The following NOL4L variants were observed in gnomAD, a reference collection of about 807,000 sequenced individuals.
The protein encoded by NOL4L is nucleolar protein 4 like, also known as nucleolar protein 4-like.
A neutral mutation model predicts 64.5 loss-of-function variants in NOL4L; 7 were observed. That is an observed-to-expected ratio of 0.11 (90% CI 0.06 to 0.20). The LOEUF is 0.20. NOL4L is among the 10% of genes least tolerant of loss of function. The pLI, the probability that NOL4L is intolerant of heterozygous loss-of-function variation, is 1.00. For synonymous variants in NOL4L, 413 were observed against 401.0 expected (o/e 1.03, Z -0.36); for missense variants, 680 against 967.1 (o/e 0.70, Z 3.94).
At chr20:32,554,238 A>G (rs1350262239) in intron 1 of NOL4L, among the ~76,000 whole-genome samples, 3 of 149,392 alleles carry the variant, frequency 2.0e-5, no homozygotes, top group Non-Finnish European at 4.4e-5. Flanking sequence ...GGAGAATGGC[A>G]TGAACCCGGA....
At position 32,559,385 on chromosome 20, in the gene NOL4L, A is replaced by G. The variant is rs145342787; in HGVS notation, c.321+25185T>C. Among the ~76,000 whole-genome samples, 27 of 152,272 alleles carry G rather than the reference A, an allele frequency of 1.8e-4. No individual in the cohort carries two copies. In the East Asian group the frequency reaches 4.6e-3, roughly 26 times the overall value. The stretch of plus-strand genomic sequence containing the variant: ...CTGGCACATAGTAGGTACTCAGCAG[A>G]TATTTCTTGAATTGGATTCTCTTCA... On this transcript the variant is annotated intron_variant, in intron 1 of 10. Transcript: ENST00000621426.
At chr20:32,549,348 A>G (rs2018769592) in intron 1 of NOL4L, among the ~76,000 whole-genome samples, 1 of 152,226 alleles carries the variant, frequency 6.6e-6, no homozygotes, top group Non-Finnish European at 1.5e-5. Context: ...ATGGCCAATA[A>G]GCACATGAAA....
chr20:32,497,304 T>C (rs1369484154), intron 4 of NOL4L, among the ~76,000 whole-genome samples: 1 of 136,726 alleles, frequency 7.3e-6, no homozygotes, highest in Admixed American at 7.8e-5. Context: ...AGGGCCTATC[T>C]GGGCCCCACA....
At chr20:32,556,849 C>G (rs1260845138) in intron 1 of NOL4L, among the ~76,000 whole-genome samples, 2 of 152,244 alleles carry the variant, frequency 1.3e-5, no homozygotes, top group African/African-American at 4.8e-5. Context: ...GCTGGACGTG[C>G]CGGAGCCACA....
chr20:32,578,908 G>C (rs1310498578), intron 1 of NOL4L, among the ~76,000 whole-genome samples: 1 of 152,218 alleles, frequency 6.6e-6, no homozygotes, highest in African/African-American at 2.4e-5. Flanking sequence ...AGCAAGAGGC[G>C]GGTAGGGGGT....
chr20:32,557,270 C>T (rs904863440), intron 1 of NOL4L, among the ~76,000 whole-genome samples: 3 of 152,214 alleles, frequency 2.0e-5, no homozygotes, highest in Non-Finnish European at 4.4e-5. Context: ...CCCTGGAGTC[C>T]CATTGATTTG....
intron 1 of NOL4L, among the ~76,000 whole-genome samples, chr20:32,561,515 G>A (rs1456942334): frequency 6.6e-6 from 1 of 152,204 alleles, no homozygotes; most frequent in African/African-American, 2.4e-5. Context: ...GGGGCCCAGA[G>A]CAGGGGACAG....
intron 1 of NOL4L, among the ~76,000 whole-genome samples, chr20:32,560,085 T>TG (rs749363796): frequency 6.6e-5 from 10 of 152,172 alleles, no homozygotes; most frequent in African/African-American, 1.2e-4. Context: ...AGCTGGAGGA[T>TG]GGGGGGCAGG....
chr20:32,466,551 T>C (rs2014574018), intron 5 of NOL4L, among the ~76,000 whole-genome samples: 1 of 151,730 alleles, frequency 6.6e-6, no homozygotes, highest in South Asian at 2.1e-4. Flanking sequence ...GGGCCCCAGC[T>C]CTCTGCTCCT....
At chr20:32,562,926 A>G (rs1235711542) in intron 1 of NOL4L, among the ~76,000 whole-genome samples, 1 of 13,414 alleles carries the variant, frequency 7.5e-5, no homozygotes, top group African/African-American at 3.7e-4. Context: ...GGGGAGAGAG[A>G]GTGGAGAAGG....
intron 4 of NOL4L, among the ~76,000 whole-genome samples, chr20:32,493,726 C>A (rs1326844032): frequency 6.6e-6 from 1 of 152,168 alleles, no homozygotes; most frequent in Non-Finnish European, 1.5e-5. Context: ...ATTTATTGAG[C>A]CCCTACTATG....
intron 5 of NOL4L, 93 bp from the exon 6 acceptor site, chr20:32,456,488 G>T: frequency 7.9e-7 from 1 of 1,260,734 alleles, no homozygotes; most frequent in Non-Finnish European, 1.0e-6. Flanking sequence ...CTCCTCATGA[G>T]TGTCCCTGGG....
intron 1 of NOL4L, among the ~76,000 whole-genome samples, chr20:32,567,887 A>T (rs1568718129): frequency 1.3e-5 from 2 of 151,454 alleles, no homozygotes; most frequent in East Asian, 3.9e-4. Context: ...CACCACCACC[A>T]CCACCATCAT....
At chr20:32,495,463 C>T (rs149008241) in intron 4 of NOL4L, among the ~76,000 whole-genome samples, 60 of 152,250 alleles carry the variant, frequency 3.9e-4, no homozygotes, top group African/African-American at 1.2e-3. Flanking sequence ...CTGCTGGGGA[C>T]GAAAGGGGTA....
intron 5 of NOL4L, among the ~76,000 whole-genome samples, chr20:32,458,159 C>T (rs2013729304): frequency 6.6e-6 from 1 of 152,202 alleles, no homozygotes; most frequent in Non-Finnish European, 1.5e-5. Context: ...ATCCTCACTC[C>T]CCTGTCCCAT....
intron 5 of NOL4L, among the ~76,000 whole-genome samples, chr20:32,462,915 A>AAAAAAAAAAAAAAAAAAAAAAAAC (rs1389511738): frequency 4.7e-5 from 7 of 150,492 alleles, no homozygotes; most frequent in Non-Finnish European, 1.0e-4. Flanking sequence ...AAAAAAAAAA[A>AAAAAAAAAAAAAAAAAAAAAAAAC]AAAAAAAACT....
At position 32,446,220 on chromosome 20, in the gene NOL4L, GAAGTGCC is replaced by G. The variant is rs1250100145; in HGVS notation, c.*1369_*1375del. On this transcript the variant is annotated 3_prime_UTR_variant, in exon 11 of 11. Coordinates refer to ENST00000621426, the MANE Select transcript of NOL4L (RefSeq NM_001256798.2). ...TGGTAGGTATTGCACTGAGCAAGAG[GAAGTGCC>G]TATCAATCAATCAATCAGGGAGGAA... 2 of 143,234 alleles carry G rather than the reference GAAGTGCC, an allele frequency of 1.4e-5. No individual in the cohort carries two copies. Among genetic ancestry groups the G allele is most frequent in the Non-Finnish European group, 3.1e-5 (2 of 64,376 alleles). 8.9% of individuals were successfully genotyped at this position (143,234 alleles called of 1,614,324 possible).
At chr20:32,523,548 A>C (rs2018019432) in intron 2 of NOL4L, among the ~76,000 whole-genome samples, 1 of 152,204 alleles carries the variant, frequency 6.6e-6, no homozygotes, top group African/African-American at 2.4e-5. Context: ...CAATCCTAGC[A>C]GATGCTCTAG....
At chr20:32,576,881 G>T (rs1980146264) in intron 1 of NOL4L, among the ~76,000 whole-genome samples, 1 of 152,202 alleles carries the variant, frequency 6.6e-6, no homozygotes, top group Non-Finnish European at 1.5e-5. Context: ...TACGTGGGGT[G>T]CCCTCACTAA....
Sources: allele counts gnomAD v4.1 joint callset (sites outside exome capture counted in the v4.1 genomes callset), GRCh38; gene constraint gnomAD v4.1.1; transcripts MANE v1.5; gene names NCBI Gene and HGNC (gene_info 2026-07-23, HGNC 2026-07-21).